The following CYTIP variants were observed in gnomAD, a reference collection of about 807,000 sequenced individuals.
The protein encoded by CYTIP is cytohesin-interacting protein.
Under a neutral mutation model 43.8 loss-of-function variants are expected in CYTIP, and 26 were observed. The ratio of observed to expected loss-of-function variants is 0.59; its 90% CI spans 0.44 to 0.82. The LOEUF (loss-of-function observed/expected upper bound fraction) is 0.82, where lower values mean the gene tolerates loss of function less well. Ranked by LOEUF, CYTIP falls within the 40% of genes least tolerant of loss-of-function variation. CYTIP has a pLI of 0.00. For synonymous variants in CYTIP, 162 were observed against 162.9 expected, an observed-to-expected ratio of 0.99 and a Z score of 0.04; for missense variants, 426 against 443.1, an observed-to-expected ratio of 0.96 and a Z score of 0.35.
At position 157,433,014 on chromosome 2, in the gene CYTIP, G is replaced by T. The variant is rs1573860044; in HGVS notation, c.279+1356C>A. Among the ~76,000 whole-genome samples the T allele has an allele frequency of 2.6e-5, 4 of 152,242 alleles. No homozygotes were observed. The South Asian group carries it at 8.3e-4, about 32-fold the overall frequency. The stretch of plus-strand genomic sequence containing the variant: ...GTGGCCTGACATAGTTTTGACTCTT[G>T]CTCCACGGAGAATAAGTGTTTATGG... On this transcript the variant is annotated intron_variant, in intron 3 of 7. Transcript: ENST00000264192.
intron 3 of CYTIP, 38 bp from the exon 4 acceptor site, chr2:157,431,000 A>C (rs755288919): frequency 1.3e-6 from 2 of 1,534,464 alleles, no homozygotes; most frequent in South Asian, 2.4e-5. Context: ...ACTATTTAAC[A>C]ACCTCAACAT....
At chr2:157,422,593 C>G (rs1685539100) in intron 6 of CYTIP, among the ~76,000 whole-genome samples, 1 of 150,922 alleles carries the variant, frequency 6.6e-6, no homozygotes, top group African/African-American at 2.4e-5. Context: ...TCCCTTGAAC[C>G]CGGGAGGTGG....
Position 157,415,456 on chromosome 2 carries a change from CTTA to C in CYTIP, c.*218_*220del, listed in dbSNP as rs1378917921. The C allele has an allele frequency of 2.1e-6, 1 of 473,176 alleles. No individual in the cohort carries two copies. The highest frequency in any genetic ancestry group is 3.0e-5 in the South Asian group (1 of 33,508). The allele number at this position is 473,176 out of a possible 1,614,324, so 29.3% of individuals were successfully genotyped here. A position where few individuals can be genotyped will look rare whatever the true frequency, so the allele number is the denominator to read the frequency against. The stretch of plus-strand genomic sequence containing the variant: ...CCTGCATCTTTGTTATATTAATTAA[CTTA>C]TTATTTAGTTTTCCTGTCTGCTTAG... On this transcript the variant is annotated 3_prime_UTR_variant, in exon 8 of 8. Coordinates refer to ENST00000264192, the MANE Select transcript of CYTIP (RefSeq NM_004288.5).
intron 6 of CYTIP, among the ~76,000 whole-genome samples, chr2:157,421,346 A>G (rs1441667546): frequency 1.3e-5 from 2 of 152,230 alleles, no homozygotes; most frequent in Non-Finnish European, 2.9e-5. Flanking sequence ...ACTCTCAGCT[A>G]TCACACATTT....
chr2:157,418,530 C>T lies in CYTIP; in HGVS notation c.606G>A (p.Leu202=), dbSNP rs1685472805. The T allele has an allele frequency of 1.9e-6, 3 of 1,591,502 alleles. No individual in the cohort carries two copies. The African/African-American group carries it at 4.1e-5, about 22-fold the overall frequency. ...YRSLQLQEHR[L]LHGDAANCPS... ...ACAGGAAATTGCATTTACCATGAAG[C>T]AGACGATGTTCCTGTAACTGCAGAG... Residue 202 remains leucine (L), a synonymous_variant, in exon 7 of 8, where the codon CTG becomes CTA. Coordinates refer to ENST00000264192, the MANE Select transcript of CYTIP (RefSeq NM_004288.5).
At chr2:157,432,219 G>T (rs1344714386) in intron 3 of CYTIP, among the ~76,000 whole-genome samples, 1 of 152,168 alleles carries the variant, frequency 6.6e-6, no homozygotes, top group Admixed American at 6.5e-5. Context: ...ATCAAAGTAA[G>T]TACAGTGCAG....
At chr2:157,425,024 T>C (rs1452710468) in intron 6 of CYTIP, among the ~76,000 whole-genome samples, 1 of 152,086 alleles carries the variant, frequency 6.6e-6, no homozygotes, top group East Asian at 1.9e-4. Flanking sequence ...TCCCCATACC[T>C]CATAATATAT....
intron 1 of CYTIP, chr2:157,438,954 A>G: frequency 2.4e-6 from 1 of 418,586 alleles, no homozygotes; most frequent in Non-Finnish European, 5.1e-6. Context: ...CTTTTGAATC[A>G]AAAGTCATTC....
At chr2:157,434,594 G>GTA in intron 2 of CYTIP, 104 bp downstream of exon 2, 1 of 654,660 alleles carries the variant, frequency 1.5e-6, no homozygotes, top group Non-Finnish European at 2.5e-6. Context: ...GTGTGTGTGC[G>GTA]TAGAGAGAGA....
At chr2:157,433,538 A>C (rs1449594230) in intron 3 of CYTIP, among the ~76,000 whole-genome samples, 1 of 152,176 alleles carries the variant, frequency 6.6e-6, no homozygotes, top group African/African-American at 2.4e-5. Context: ...AATCTGATAT[A>C]GAGTGTAAGA....
At chr2:157,441,573 T>G (rs1685914680) in intron 1 of CYTIP, among the ~76,000 whole-genome samples, 3 of 145,680 alleles carry the variant, frequency 2.1e-5, no homozygotes, top group Admixed American at 7.0e-5. Flanking sequence ...TGTGTGCCTG[T>G]GTGCATATGT....
chr2:157,417,876 G>T (rs1455789131), intron 7 of CYTIP, among the ~76,000 whole-genome samples: 1 of 152,128 alleles, frequency 6.6e-6, no homozygotes, highest in Admixed American at 6.5e-5. Context: ...TCACACCCAC[G>T]TAGTGGTTTC....
At chr2:157,420,074 G>C (rs1014819557) in intron 6 of CYTIP, among the ~76,000 whole-genome samples, 1 of 152,206 alleles carries the variant, frequency 6.6e-6, no homozygotes, top group Non-Finnish European at 1.5e-5. Context: ...AGTGGCTTAC[G>C]CCTGTAATCT....
chr2:157,434,837 TCTCTCTCTCTCTCACACACA>T lies in CYTIP; in HGVS notation c.175-110_175-91del, dbSNP rs1248957702. 481 of 477,002 alleles carry T rather than the reference TCTCTCTCTCTCTCACACACA, an allele frequency of 1.0e-3. 1 individual carries two copies. In the African/African-American group the frequency reaches 0.011, roughly 11 times the overall value. The allele number at this position is 477,002 out of a possible 1,614,324, so 29.5% of individuals were successfully genotyped here. On this transcript the variant is annotated intron_variant, in intron 1 of 7. Coordinates refer to ENST00000264192, the MANE Select transcript of CYTIP (RefSeq NM_004288.5). ...ATCTCTCTCTCTCTCTCTCTCTCTC[TCTCTCTCTCTCTCACACACA>T]CACACACACACACACACACACACAC...
At chr2:157,439,235 T>A (rs966236783) in intron 1 of CYTIP, 1 of 152,800 alleles carries the variant, frequency 6.5e-6, no homozygotes, top group African/African-American at 2.4e-5. Context: ...GTTTCAAGCA[T>A]CTAACACTTA....
At position 157,430,978 on chromosome 2, in the gene CYTIP, T is replaced by C; in HGVS notation, c.280-16A>G. Reference sequence around the variant, plus strand: ...GCCTGTAAGACTGTAAAAATTAAGATGATATATAGTTACTATTTAACAACC... The same window carrying C: ...GCCTGTAAGACTGTAAAAATTAAGACGATATATAGTTACTATTTAACAACC... On this transcript the variant is annotated splice_polypyrimidine_tract_variant and intron_variant, in intron 3 of 7. Coordinates refer to ENST00000264192, the MANE Select transcript of CYTIP (RefSeq NM_004288.5). 1.9e-6 allele frequency: 3 copies of C among 1,579,632 alleles called. No homozygotes were observed.
At chr2:157,418,948 G>A (rs1417295996) in intron 6 of CYTIP, among the ~76,000 whole-genome samples, 1 of 152,198 alleles carries the variant, frequency 6.6e-6, no homozygotes, top group African/African-American at 2.4e-5. Flanking sequence ...GTAGGATGAA[G>A]ACAATAATAG....
intron 6 of CYTIP, among the ~76,000 whole-genome samples, chr2:157,420,226 G>A (rs952785439): frequency 4.6e-5 from 7 of 152,092 alleles, no homozygotes; most frequent in African/African-American, 1.7e-4. Context: ...TTCTTAAGAG[G>A]CCGAGGAGGC....
chr2:157,433,222 A>C (rs563160272), intron 3 of CYTIP, among the ~76,000 whole-genome samples: 11 of 152,328 alleles, frequency 7.2e-5, no homozygotes, highest in Non-Finnish European at 1.5e-4. Flanking sequence ...GGAGTAGTTC[A>C]TATGACCGGG....
Sources: allele counts gnomAD v4.1 joint callset (sites outside exome capture counted in the v4.1 genomes callset), GRCh38; gene constraint gnomAD v4.1.1; transcripts MANE v1.5; gene names NCBI Gene and HGNC (gene_info 2026-07-23, HGNC 2026-07-21).